Variants in CNTNAP2 observed in about 807,000 individuals in gnomAD.
CNTNAP2 encodes the protein contactin-associated protein-like 2.
In CNTNAP2, 98 loss-of-function variants were observed where a neutral mutation model predicts 155.2. That is an observed-to-expected ratio of 0.63 (90% confidence interval 0.54 to 0.75). The LOEUF (loss-of-function observed/expected upper bound fraction) is 0.75, where lower values mean the gene tolerates loss of function less well. Ranked by LOEUF, CNTNAP2 falls within the 30% of genes least tolerant of loss-of-function variation. The probability of loss-of-function intolerance (pLI) is 0.00; values close to 1 mark genes in which losing one functional copy is unlikely to be tolerated. For synonymous variants in CNTNAP2, 651 were observed against 631.2 expected, an observed-to-expected ratio of 1.03 and a Z score of -0.47; for missense variants, 1,727 against 1,688.1, an observed-to-expected ratio of 1.02 and a Z score of -0.40.
chr7:147,660,470 C>T (rs968587906), intron 13 of CNTNAP2, among the ~76,000 whole-genome samples: 11 of 152,176 alleles, frequency 7.2e-5, no homozygotes, highest in Non-Finnish European at 1.3e-4. Flanking sequence ...AAATTCTTCC[C>T]TATAATAGGC....
intron 13 of CNTNAP2, among the ~76,000 whole-genome samples, chr7:147,642,886 C>T (rs1358121152): frequency 6.6e-6 from 1 of 152,106 alleles, no homozygotes. Context: ...AGGATTTGTA[C>T]TTAACAAATG....
chr7:146,762,706 T>C (rs1252633877), intron 1 of CNTNAP2, among the ~76,000 whole-genome samples: 4 of 152,134 alleles, frequency 2.6e-5, no homozygotes, highest in African/African-American at 9.7e-5. Context: ...AAAGATTTAA[T>C]GGGCTCACAG....
chr7:146,810,942 G>A (rs1803055358), intron 2 of CNTNAP2, among the ~76,000 whole-genome samples: 1 of 152,048 alleles, frequency 6.6e-6, no homozygotes, highest in East Asian at 1.9e-4. Flanking sequence ...CACACTTTCT[G>A]TTTTGCATAT....
chr7:147,607,747 G>A (rs998111786), intron 12 of CNTNAP2, among the ~76,000 whole-genome samples: 16 of 152,074 alleles, frequency 1.1e-4, no homozygotes, highest in African/African-American at 3.9e-4. Context: ...TTCAGGTAAC[G>A]GTGTCAGAAA....
chr7:147,268,644 G>T (rs2116699718), intron 8 of CNTNAP2, among the ~76,000 whole-genome samples: 1 of 152,178 alleles, frequency 6.6e-6, no homozygotes, highest in Non-Finnish European at 1.5e-5. Flanking sequence ...ATGTATCCTA[G>T]AACTGACAGC....
intron 3 of CNTNAP2, among the ~76,000 whole-genome samples, chr7:146,926,901 A>G (rs897074454): frequency 2.0e-5 from 3 of 152,182 alleles, no homozygotes; most frequent in African/African-American, 7.2e-5. Context: ...TGCTCAATGG[A>G]TATGGGAATA....
At chr7:147,835,385 G>C (rs1421786053) in intron 13 of CNTNAP2, among the ~76,000 whole-genome samples, 2 of 152,134 alleles carry the variant, frequency 1.3e-5, no homozygotes, top group Admixed American at 1.3e-4. Context: ...AAGAAATGAG[G>C]CTTGCAGGAG....
At chr7:147,163,768 A>G (rs1802072369) in intron 8 of CNTNAP2, among the ~76,000 whole-genome samples, 1 of 152,192 alleles carries the variant, frequency 6.6e-6, no homozygotes, top group African/African-American at 2.4e-5. Flanking sequence ...TGGGATTTGT[A>G]AATTGGACAT....
intron 14 of CNTNAP2, among the ~76,000 whole-genome samples, chr7:147,950,461 C>T (rs1006764973): frequency 1.3e-5 from 2 of 149,288 alleles, no homozygotes; most frequent in Non-Finnish European, 3.0e-5. Flanking sequence ...TGCTAATAGC[C>T]CTCTTTGAAA....
At chr7:146,340,620 G>C (rs962443225) in intron 1 of CNTNAP2, among the ~76,000 whole-genome samples, 1 of 151,910 alleles carries the variant, frequency 6.6e-6, no homozygotes, top group Non-Finnish European at 1.5e-5. Context: ...TGCTAAGCAG[G>C]CAACCCTTCA....
At chr7:146,701,700 A>G (rs1800881116) in intron 1 of CNTNAP2, among the ~76,000 whole-genome samples, 1 of 152,260 alleles carries the variant, frequency 6.6e-6, no homozygotes, top group African/African-American at 2.4e-5. Flanking sequence ...TATCTGAAGA[A>G]TTAATAGTAT....
At chr7:146,560,621 G>C (rs1334903656) in intron 1 of CNTNAP2, among the ~76,000 whole-genome samples, 1 of 152,130 alleles carries the variant, frequency 6.6e-6, no homozygotes, top group Non-Finnish European at 1.5e-5. Context: ...TGCCATATTA[G>C]AGTAGGAGAA....
At chr7:147,046,893 A>G (rs977821480) in intron 4 of CNTNAP2, among the ~76,000 whole-genome samples, 8 of 151,312 alleles carry the variant, frequency 5.3e-5, no homozygotes, top group East Asian at 4.1e-4. Context: ...TTAACTGGGC[A>G]TTGTGGCGGG....
intron 13 of CNTNAP2, among the ~76,000 whole-genome samples, chr7:147,667,832 ATAAAAG>A (rs1795723284): frequency 2.7e-5 from 4 of 146,068 alleles, no homozygotes; most frequent in Non-Finnish European, 3.0e-5. Flanking sequence ...AAATAAAAAA[ATAAAAG>A]ATACCAATGC....
At chr7:148,219,864 T>C (rs1447673002) in intron 19 of CNTNAP2, among the ~76,000 whole-genome samples, 1 of 151,708 alleles carries the variant, frequency 6.6e-6, no homozygotes, top group African/African-American at 2.4e-5. Context: ...AATAAAATAA[T>C]TTAAAAAAAA....
At chr7:146,475,642 T>G (rs1796866818) in intron 1 of CNTNAP2, among the ~76,000 whole-genome samples, 1 of 152,062 alleles carries the variant, frequency 6.6e-6, no homozygotes, top group South Asian at 2.1e-4. Flanking sequence ...ATTGACAGAC[T>G]GAAAATCAGT....
chr7:147,687,897 GTATAGCA>G (rs200235623), intron 13 of CNTNAP2, among the ~76,000 whole-genome samples: 2,491 of 152,208 alleles, frequency 0.016, 218 homozygotes, highest in Admixed American at 0.15. Flanking sequence ...TTCTGATACA[GTATAGCA>G]TCTTCCATTT....
chr7:147,958,278 G>A (rs117604326), intron 14 of CNTNAP2, among the ~76,000 whole-genome samples: 2,648 of 152,068 alleles, frequency 0.017, 35 homozygotes, highest in Non-Finnish European at 0.028. Context: ...GAATACTTAC[G>A]TGAATACTAG....
intron 10 of CNTNAP2, among the ~76,000 whole-genome samples, chr7:147,431,014 G>T (rs1797457348): frequency 6.7e-6 from 1 of 150,044 alleles, no homozygotes; most frequent in Non-Finnish European, 1.5e-5. Context: ...CGCCCCTCCT[G>T]CACTCCAGGC....
Sources: gnomAD v4.1 joint callset for allele counts (sites outside exome capture counted in the v4.1 genomes callset) on GRCh38, gnomAD v4.1.1 for gene constraint, MANE v1.5 for transcripts, NCBI Gene and HGNC (gene_info 2026-07-23, HGNC 2026-07-21) for gene names.